The following WIPF2 variants were observed in gnomAD, a reference collection of about 807,000 sequenced individuals.
WIPF2 encodes WAS/WASL-interacting protein family member 2.
Under a neutral mutation model 38.8 loss-of-function variants are expected in WIPF2, and 23 were observed. That is an observed-to-expected ratio of 0.59 (90% CI 0.43 to 0.84). The LOEUF (loss-of-function observed/expected upper bound fraction) is 0.84, where lower values mean the gene tolerates loss of function less well. WIPF2 is among the 40% of genes least tolerant of loss of function. The pLI is 0.00. For synonymous variants in WIPF2, 210 were observed against 223.2 expected, an observed-to-expected ratio of 0.94 and a Z score of 0.53; for missense variants, 574 against 580.5, an observed-to-expected ratio of 0.99 and a Z score of 0.11.
intron 2 of WIPF2, among the ~76,000 whole-genome samples, chr17:40,259,018 C>CAAAAAA (rs903377557): frequency 1.1e-4 from 4 of 34,844 alleles, no homozygotes; most frequent in African/African-American, 2.1e-4. Flanking sequence ...AACTCTGTCT[C>CAAAAAA]AAAAAAAAAA....
chr17:40,283,140 C>A lies in WIPF2; in HGVS notation c.*4915C>A, dbSNP rs1443783493. 1.0e-5 allele frequency: 1 copy of A among 98,120 alleles called. No homozygotes were observed. Among genetic ancestry groups the A allele is most frequent in the African/African-American group, 4.0e-5 (1 of 24,864 alleles). 6.1% of individuals were successfully genotyped at this position (98,120 alleles called of 1,614,324 possible). ...GGCGGAGGTTGCACTGAGCTGAGAT[C>A]ATGCCACTGCACTAAAAAAAAAAAA... On this transcript the variant is annotated 3_prime_UTR_variant, in exon 8 of 8. Coordinates refer to ENST00000323571, the MANE Select transcript of WIPF2 (RefSeq NM_133264.5).
intron 6 of WIPF2, 46 bp from the exon 7 acceptor site, chr17:40,277,035 GGA>G (rs756574912): frequency 1.4e-5 from 21 of 1,496,312 alleles, no homozygotes; most frequent in Non-Finnish European, 1.9e-5. Context: ...GAGGCCTGTG[GGA>G]GCACAAGCAA....
At chr17:40,239,016 T>C (rs933739374) in intron 1 of WIPF2, among the ~76,000 whole-genome samples, 6 of 151,998 alleles carry the variant, frequency 3.9e-5, no homozygotes, top group African/African-American at 1.4e-4. Flanking sequence ...TACAGGCTCA[T>C]GCCACTGTGT....
intron 1 of WIPF2, among the ~76,000 whole-genome samples, chr17:40,247,537 T>C (rs1037223977): frequency 5.5e-4 from 83 of 151,140 alleles, no homozygotes; most frequent in African/African-American, 2.0e-3. Context: ...TTTTACTTTT[T>C]TTGAGACAGA....
intron 1 of WIPF2, among the ~76,000 whole-genome samples, chr17:40,233,834 C>A (rs550439223): frequency 2.0e-5 from 3 of 151,852 alleles, no homozygotes; most frequent in Non-Finnish European, 4.4e-5. Context: ...GAAGCCGAGG[C>A]GGGCGGATCA....
intron 1 of WIPF2, among the ~76,000 whole-genome samples, chr17:40,242,608 G>A (rs1299883933): frequency 2.0e-5 from 3 of 152,020 alleles, no homozygotes; most frequent in African/African-American, 7.2e-5. Context: ...CACCATGTTG[G>A]CCAGGCCGGT....
At chr17:40,250,937 T>TTC (rs1174975480) in intron 1 of WIPF2, among the ~76,000 whole-genome samples, 1 of 148,086 alleles carries the variant, frequency 6.8e-6, no homozygotes. Flanking sequence ...TTTTTTTTTT[T>TTC]GAGTCTCGCT....
chr17:40,227,206 A>G (rs2030532251), intron 1 of WIPF2, among the ~76,000 whole-genome samples: 1 of 151,018 alleles, frequency 6.6e-6, no homozygotes, highest in Admixed American at 6.6e-5. Flanking sequence ...ACGTCCAGCT[A>G]ATTTTTGTAT....
At chr17:40,245,491 C>T (rs991538415) in intron 1 of WIPF2, among the ~76,000 whole-genome samples, 4 of 151,904 alleles carry the variant, frequency 2.6e-5, no homozygotes, top group Non-Finnish European at 4.4e-5. Context: ...TACAGGCGCC[C>T]GCCACCATGC....
At position 40,262,654 on chromosome 17, in the gene WIPF2, T is replaced by C. The variant is rs773539967; in HGVS notation, c.313+13T>C. 6 of 1,603,464 alleles carry C rather than the reference T, an allele frequency of 3.7e-6. No individual in the cohort carries two copies. In the African/African-American group the frequency reaches 8.0e-5, roughly 21 times the overall value. Reference sequence around the variant, plus strand: ...AAGGATGGTTCAGGTATCTGATGAGTACTTTCCCAGGGTATTTCCCTGGTG... The same window carrying C: ...AAGGATGGTTCAGGTATCTGATGAGCACTTTCCCAGGGTATTTCCCTGGTG... On this transcript the variant is annotated intron_variant, in intron 4 of 7. Coordinates refer to ENST00000323571, the MANE Select transcript of WIPF2 (RefSeq NM_133264.5).
At chr17:40,237,488 G>A (rs2031021815) in intron 1 of WIPF2, among the ~76,000 whole-genome samples, 1 of 152,060 alleles carries the variant, frequency 6.6e-6, no homozygotes, top group Admixed American at 6.6e-5. Flanking sequence ...TGATCCGCCT[G>A]TGTTGGCCTC....
intron 1 of WIPF2, among the ~76,000 whole-genome samples, chr17:40,243,403 A>G (rs2031256704): frequency 1.3e-5 from 2 of 152,174 alleles, no homozygotes; most frequent in Non-Finnish European, 2.9e-5. Context: ...TTAAAAAAAT[A>G]TGTTTGAAAG....
At chr17:40,256,340 C>G in intron 1 of WIPF2, 51 bp from the exon 2 acceptor site, 2 of 1,474,654 alleles carry the variant, frequency 1.4e-6, no homozygotes, top group Non-Finnish European at 1.8e-6. Flanking sequence ...CTCCTGGGCA[C>G]TTGTATCTAA....
intron 1 of WIPF2, among the ~76,000 whole-genome samples, chr17:40,229,134 T>C (rs980976650): frequency 2.0e-5 from 3 of 151,234 alleles, no homozygotes; most frequent in African/African-American, 7.3e-5. Context: ...TTTTTTTAGA[T>C]GAGTTTTGTT....
chr17:40,230,444 A>T (rs945006611), intron 1 of WIPF2, among the ~76,000 whole-genome samples: 2 of 152,024 alleles, frequency 1.3e-5, no homozygotes, highest in African/African-American at 4.8e-5. Flanking sequence ...GTTGATGATG[A>T]GACCATCAGT....
At chr17:40,224,493 G>T (rs1420623240) in intron 1 of WIPF2, among the ~76,000 whole-genome samples, 1 of 142,580 alleles carries the variant, frequency 7.0e-6, no homozygotes, top group African/African-American at 2.7e-5. Context: ...TGATCCACCC[G>T]CCTCGGCCTC....
intron 1 of WIPF2, among the ~76,000 whole-genome samples, chr17:40,222,438 C>A (rs2030277509): frequency 6.6e-6 from 1 of 150,828 alleles, no homozygotes; most frequent in Admixed American, 6.6e-5. Context: ...TGGTGGATCA[C>A]CTGAGATTGC....
intron 1 of WIPF2, among the ~76,000 whole-genome samples, chr17:40,234,634 A>G (rs1203344365): frequency 6.6e-6 from 1 of 152,166 alleles, no homozygotes; most frequent in Non-Finnish European, 1.5e-5. Flanking sequence ...TCAAAAAAAA[A>G]GGAAAACCAT....
At chr17:40,251,399 A>T (rs1269508416) in intron 1 of WIPF2, among the ~76,000 whole-genome samples, 1 of 150,632 alleles carries the variant, frequency 6.6e-6, no homozygotes, top group Non-Finnish European at 1.5e-5. Flanking sequence ...TGGATTAGCG[A>T]TTATAAGTCT....
Sources: allele counts gnomAD v4.1 joint callset (sites outside exome capture counted in the v4.1 genomes callset), GRCh38; gene constraint gnomAD v4.1.1; transcripts MANE v1.5; gene names NCBI Gene and HGNC (gene_info 2026-07-23, HGNC 2026-07-21).